The following RSF1 variants were observed in gnomAD, a reference collection of about 807,000 sequenced individuals.
RSF1 encodes the protein HBV pX-associated protein 8.
In RSF1, 13 loss-of-function variants were observed where a neutral mutation model predicts 145.2. The observed-to-expected ratio is 0.09, with a 90% CI of 0.06 to 0.14. The LOEUF is 0.14. RSF1 is among the 10% of genes least tolerant of loss of function. RSF1 has a pLI of 1.00. For missense variants in RSF1, 1,517 were observed against 1,718.2 expected, an observed-to-expected ratio of 0.88 and a Z score of 2.07; for synonymous variants, 577 against 592.6, an observed-to-expected ratio of 0.97 and a Z score of 0.38.
At chr11:77,776,792 C>T (rs1590880361) in intron 1 of RSF1, among the ~76,000 whole-genome samples, 1 of 152,082 alleles carries the variant, frequency 6.6e-6, no homozygotes, top group Non-Finnish European at 1.5e-5. Context: ...CACCAGCAAA[C>T]ACAAGCAATA....
the RSF1 span, among the ~76,000 whole-genome samples, chr11:77,834,433 T>C: frequency 8.1e-3 from 1,162 of 143,278 alleles, 9 homozygotes; most frequent in Non-Finnish European, 0.013. Flanking sequence ...ATGGAGAAAG[T>C]TGATTTTGTT....
chr11:77,685,967 A>C (rs1959993178), intron 9 of RSF1, among the ~76,000 whole-genome samples: 1 of 152,202 alleles, frequency 6.6e-6, no homozygotes, highest in African/African-American at 2.4e-5. Flanking sequence ...TTGCTGTTGA[A>C]AGAGAAAAAA....
At chr11:77,749,285 A>T (rs1346668403) in intron 2 of RSF1, among the ~76,000 whole-genome samples, 1 of 152,226 alleles carries the variant, frequency 6.6e-6, no homozygotes, top group African/African-American at 2.4e-5. Context: ...AATTGTTTAA[A>T]CGGTAAATTT....
chr11:77,828,346 T>G, the RSF1 span, among the ~76,000 whole-genome samples: 1 of 151,530 alleles, frequency 6.6e-6, no homozygotes. Context: ...CAGAAAATAT[T>G]TAGAGATTTC....
chr11:77,861,904 T>G, the RSF1 span, among the ~76,000 whole-genome samples: 51 of 152,202 alleles, frequency 3.4e-4, no homozygotes, highest in Non-Finnish European at 6.3e-4. Context: ...TTTTCTAATG[T>G]CTGCAGCTGA....
chr11:77,803,955 C>T (rs531153580), intron 1 of RSF1, among the ~76,000 whole-genome samples: 8 of 152,264 alleles, frequency 5.3e-5, no homozygotes, highest in African/African-American at 1.7e-4. Flanking sequence ...GTAACATGTG[C>T]CTGTAGTCCC....
chr11:77,853,209 A>T, the RSF1 span, among the ~76,000 whole-genome samples: 1 of 152,250 alleles, frequency 6.6e-6, no homozygotes, highest in African/African-American at 2.4e-5. Context: ...TTTGTTAGTA[A>T]AAGTGAACAG....
intron 1 of RSF1, among the ~76,000 whole-genome samples, chr11:77,772,540 A>G (rs549031472): frequency 1.3e-5 from 2 of 152,014 alleles, no homozygotes; most frequent in Non-Finnish European, 2.9e-5. Context: ...TAATATAACA[A>G]CTATTATATT....
At chr11:77,857,090 T>A in the RSF1 span, among the ~76,000 whole-genome samples, 1 of 152,234 alleles carries the variant, frequency 6.6e-6, no homozygotes, top group Non-Finnish European at 1.5e-5. Flanking sequence ...AAAAGATATG[T>A]AGGTTCTGCT....
At chr11:77,841,515 G>A in the RSF1 span, among the ~76,000 whole-genome samples, 6 of 152,302 alleles carry the variant, frequency 3.9e-5, no homozygotes, top group South Asian at 1.2e-3. Flanking sequence ...ATGGAACACT[G>A]TGTGTACAGG....
At chr11:77,719,270 C>T (rs1023502952) in intron 5 of RSF1, among the ~76,000 whole-genome samples, 1 of 152,136 alleles carries the variant, frequency 6.6e-6, no homozygotes, top group Admixed American at 6.6e-5. Context: ...ACTATACTGA[C>T]ATACTTCACT....
At chr11:77,724,359 C>T (rs901664864) in intron 5 of RSF1, among the ~76,000 whole-genome samples, 1 of 152,088 alleles carries the variant, frequency 6.6e-6, no homozygotes, top group African/African-American at 2.4e-5. Flanking sequence ...ATATATGATC[C>T]AGCAATTCCA....
At chr11:77,855,484 TA>T in the RSF1 span, 1 of 196,638 alleles carries the variant, frequency 5.1e-6, no homozygotes, top group Non-Finnish European at 1.0e-5. Flanking sequence ...CACACCCAGG[TA>T]ACTTTTTCTT....
At chr11:77,779,554 G>A (rs1293273806) in intron 1 of RSF1, among the ~76,000 whole-genome samples, 1 of 151,822 alleles carries the variant, frequency 6.6e-6, no homozygotes, top group African/African-American at 2.4e-5. Flanking sequence ...GGCTAATTTT[G>A]TAGTTTTAGT....
rs893077099 is a variant in RSF1 at position 77,665,925 on chromosome 11, A to G, written c.*992T>C. 6.6e-6 allele frequency: 1 copy of G among 152,244 alleles called. No individual in the cohort carries two copies. Among genetic ancestry groups the G allele is most frequent in the African/African-American group, 2.4e-5 (1 of 41,470 alleles). The allele number at this position is 152,244 out of a possible 1,614,324, so 9.4% of individuals were successfully genotyped here. A position where few individuals can be genotyped will look rare whatever the true frequency, so the allele number is the denominator to read the frequency against. On this transcript the variant is annotated 3_prime_UTR_variant, in exon 16 of 16. Coordinates refer to ENST00000308488, the MANE Select transcript of RSF1 (RefSeq NM_016578.4). The stretch of plus-strand genomic sequence containing the variant: ...CTGAAAATCTCTTCCCAGTCTTCAA[A>G]TGTGCTAAAATATCACTGTCAGCTT...
At chr11:77,829,405 A>T in the RSF1 span, among the ~76,000 whole-genome samples, 180 of 152,246 alleles carry the variant, frequency 1.2e-3, no homozygotes, top group African/African-American at 4.2e-3. Context: ...CTGAATAACA[A>T]ATAGCCATTT....
At chr11:77,813,512 T>G (rs1948750430) in intron 1 of RSF1, 1 of 806,394 alleles carries the variant, frequency 1.2e-6, no homozygotes, top group Non-Finnish European at 2.2e-6. Context: ...TGGTAGGTAT[T>G]CGAACTGGTC....
intron 5 of RSF1, among the ~76,000 whole-genome samples, chr11:77,706,482 C>CT (rs1348400828): frequency 2.6e-5 from 4 of 151,870 alleles, no homozygotes; most frequent in Non-Finnish European, 5.9e-5. Flanking sequence ...ATGCAAAGTA[C>CT]TTTTACACAG....
intron 11 of RSF1, among the ~76,000 whole-genome samples, chr11:77,681,370 T>C (rs1193869885): frequency 6.6e-6 from 1 of 152,232 alleles, no homozygotes; most frequent in African/African-American, 2.4e-5. Context: ...TCAAACATGA[T>C]ATGTATTTCA....
Sources: gnomAD v4.1 joint callset for allele counts (sites outside exome capture counted in the v4.1 genomes callset) on GRCh38, gnomAD v4.1.1 for gene constraint, MANE v1.5 for transcripts, NCBI Gene and HGNC (gene_info 2026-07-23, HGNC 2026-07-21) for gene names.